The following MAP2K2 variants were observed in gnomAD, a reference collection of about 807,000 sequenced individuals.
The protein encoded by MAP2K2 is mitogen-activated protein kinase kinase 2, also known as dual specificity mitogen-activated protein kinase kinase 2.
In MAP2K2, 24 loss-of-function variants were observed where a neutral mutation model predicts 43.7. That is an observed-to-expected ratio of 0.55 (90% confidence interval 0.40 to 0.77). The LOEUF (loss-of-function observed/expected upper bound fraction) is 0.77. MAP2K2 is among the 30% of genes least tolerant of loss of function. The probability of loss-of-function intolerance (pLI) is 0.00; values close to 1 mark genes in which losing one functional copy is unlikely to be tolerated. For missense variants in MAP2K2, 470 were observed against 566.8 expected, an observed-to-expected ratio of 0.83 and a Z score of 1.73; for synonymous variants, 244 against 239.7, an observed-to-expected ratio of 1.02 and a Z score of -0.17.
rs1249918563 is a variant in MAP2K2 at position 4,102,849 on chromosome 19, G to T, written c.451-396C>A. On this transcript the variant is annotated intron_variant, in intron 3 of 10. Transcript: ENST00000262948. ...GCTTGTCTGTGCGCCACGGGAGGCGGCCAGGCTGGAGACCAGCGTCTTGGG... is the reference window on the plus strand; with the variant it reads ...GCTTGTCTGTGCGCCACGGGAGGCGTCCAGGCTGGAGACCAGCGTCTTGGG... 2.5e-6 allele frequency: 3 copies of T among 1,189,594 alleles called. No homozygotes were observed. In the East Asian group the frequency reaches 1.7e-4, roughly 66 times the overall value. The allele number at this position is 1,189,594 out of a possible 1,614,324, so 73.7% of individuals were successfully genotyped here.
chr19:4,097,426 AC>A, intron 7 of MAP2K2, 83 bp from the exon 8 acceptor site: 1 of 1,035,370 alleles, frequency 9.7e-7, no homozygotes, highest in Non-Finnish European at 1.5e-6. Flanking sequence ...GGGGCTGATC[AC>A]CACCAGGCGC....
chr19:4,096,040 G>A (rs551338710), intron 8 of MAP2K2, among the ~76,000 whole-genome samples: 1 of 152,360 alleles, frequency 6.6e-6, no homozygotes, highest in African/African-American at 2.4e-5. Flanking sequence ...CTCCCAAAGT[G>A]CTGGAATTAC....
In MAP2K2 at chr19:4,123,757, G is replaced by C. The variant is rs374346282; in HGVS notation, c.92+27C>G. On this transcript the variant is annotated intron_variant, in intron 1 of 10. Transcript: ENST00000262948. Reference sequence around the variant, plus strand: ...GGGCTCCCTGCCCCGTGCACCCCAAGCCTCCGGCTGACCCCTGCCCACTCA... The same window carrying C: ...GGGCTCCCTGCCCCGTGCACCCCAACCCTCCGGCTGACCCCTGCCCACTCA... 207 of 1,497,508 alleles carry C rather than the reference G, an allele frequency of 1.4e-4. No homozygotes were observed. In the African/African-American group the frequency reaches 2.5e-3, roughly 18 times the overall value. The allele number at this position is 1,497,508 out of a possible 1,614,324, so 92.8% of individuals were successfully genotyped here. A position where few individuals can be genotyped will look rare whatever the true frequency, so the allele number is the denominator to read the frequency against.
At chr19:4,121,424 C>T (rs2041290671) in intron 1 of MAP2K2, among the ~76,000 whole-genome samples, 1 of 151,540 alleles carries the variant, frequency 6.6e-6, no homozygotes, top group East Asian at 2.0e-4. Flanking sequence ...AGGGACTCCA[C>T]ACACTGGGCA....
At chr19:4,104,982 T>C (rs2041064881) in intron 3 of MAP2K2, among the ~76,000 whole-genome samples, 1 of 152,172 alleles carries the variant, frequency 6.6e-6, no homozygotes, top group South Asian at 2.1e-4. Flanking sequence ...AGGTGTCTCC[T>C]GGGAGGGAGA....
intron 2 of MAP2K2, among the ~76,000 whole-genome samples, chr19:4,114,365 G>A (rs1407986794): frequency 6.6e-6 from 1 of 152,176 alleles, no homozygotes; most frequent in Non-Finnish European, 1.5e-5. Flanking sequence ...TTCGACTCAG[G>A]TCGTCACTTG....
chr19:4,098,638 G>C (rs766790564), intron 7 of MAP2K2, among the ~76,000 whole-genome samples: 5 of 152,190 alleles, frequency 3.3e-5, no homozygotes, highest in Admixed American at 3.3e-4. Flanking sequence ...CTCCCGAGGT[G>C]CCCGCCCTAA....
At chr19:4,122,311 C>CT (rs2041311230) in intron 1 of MAP2K2, among the ~76,000 whole-genome samples, 1 of 98,134 alleles carries the variant, frequency 1.0e-5, no homozygotes, top group Non-Finnish European at 2.2e-5. Context: ...CACAGGGACC[C>CT]CCTCACCCCA....
intron 1 of MAP2K2, among the ~76,000 whole-genome samples, chr19:4,123,497 A>G (rs1342028123): frequency 1.4e-5 from 2 of 145,162 alleles, no homozygotes; most frequent in South Asian, 2.2e-4. Context: ...CCCTCGCCCA[A>G]TCTCACTGCT....
At position 4,095,473 on chromosome 19, in the gene MAP2K2, G is replaced by A. The variant is rs369694857; in HGVS notation, c.985-24C>T. ...GGCTGTGGAGGAGAACAGAGGGTGG[G>A]GTCAGCCCTGGGCATCGTCAGGGAC... On this transcript the variant is annotated intron_variant, in intron 8 of 10. Coordinates refer to ENST00000262948, the MANE Select transcript of MAP2K2 (RefSeq NM_030662.4). 6.4e-5 allele frequency: 99 copies of A among 1,547,856 alleles called. 2 individuals are homozygous for A. In the African/African-American group the frequency reaches 8.9e-4, roughly 14 times the overall value.
chr19:4,118,692 C>G (rs2041258031), intron 1 of MAP2K2, among the ~76,000 whole-genome samples: 1 of 152,152 alleles, frequency 6.6e-6, no homozygotes, highest in Non-Finnish European at 1.5e-5. Flanking sequence ...TCTAGTTACT[C>G]AGGAGGCTGA....
At position 4,101,935 on chromosome 19, in the gene MAP2K2, G is replaced by C. The variant is rs1191610388; in HGVS notation, c.528+441C>G. Reference sequence around the variant, plus strand: ...TGAAACCACACGGCTCTACGGAGCAGCTGTGCTGGAGACCGGGCAGCAGAG... The same window carrying C: ...TGAAACCACACGGCTCTACGGAGCACCTGTGCTGGAGACCGGGCAGCAGAG... On this transcript the variant is annotated intron_variant, in intron 4 of 10. Coordinates refer to ENST00000262948, the MANE Select transcript of MAP2K2 (RefSeq NM_030662.4). The surrounding 1 kb of genome is among the most constrained non-coding windows in gnomAD (Gnocchi z 6.3). Among the ~76,000 whole-genome samples, 1 of 152,182 alleles carries C rather than the reference G, an allele frequency of 6.6e-6. No individual in the cohort carries two copies. Among genetic ancestry groups the C allele is most frequent in the African/African-American group, 2.4e-5 (1 of 41,432 alleles).
At chr19:4,114,686 C>T (rs1289625692) in intron 2 of MAP2K2, among the ~76,000 whole-genome samples, 31 of 152,176 alleles carry the variant, frequency 2.0e-4, no homozygotes, top group Admixed American at 6.5e-5. Context: ...CGGTGGCTCA[C>T]GCCTGTAATC....
chr19:4,114,994 T>C (rs1392771605), intron 2 of MAP2K2, among the ~76,000 whole-genome samples: 1 of 152,144 alleles, frequency 6.6e-6, no homozygotes, highest in Admixed American at 6.6e-5. Flanking sequence ...CTTGCAGCCC[T>C]ACCTGCATAG....
intron 3 of MAP2K2, among the ~76,000 whole-genome samples, chr19:4,106,744 A>AT (rs1400111102): frequency 3.3e-5 from 5 of 152,162 alleles, no homozygotes; most frequent in Admixed American, 2.6e-4. Context: ...CCTCCACTAC[A>AT]TGAATAGTGT....
intron 2 of MAP2K2, 49 bp downstream of exon 2, chr19:4,117,370 G>A (rs1487905139): frequency 7.7e-6 from 12 of 1,568,566 alleles, no homozygotes; most frequent in Non-Finnish European, 8.7e-6. Flanking sequence ...CTGTTTCCAG[G>A]GGGACCTTCC....
At chr19:4,103,237 G>C (rs1052487803) in intron 3 of MAP2K2, 67 of 986,024 alleles carry the variant, frequency 6.8e-5, no homozygotes, top group Non-Finnish European at 7.9e-5. Flanking sequence ...ATCATGGGTA[G>C]GCTGGTCCCC....
At chr19:4,119,968 C>G (rs781669098) in intron 1 of MAP2K2, among the ~76,000 whole-genome samples, 1 of 152,264 alleles carries the variant, frequency 6.6e-6, no homozygotes, top group Non-Finnish European at 1.5e-5. Flanking sequence ...GGCGCTGGAG[C>G]TGGTGCTGCA....
At chr19:4,091,202 G>A (rs960143220) in intron 10 of MAP2K2, among the ~76,000 whole-genome samples, 7 of 152,206 alleles carry the variant, frequency 4.6e-5, no homozygotes, top group Non-Finnish European at 8.8e-5. Flanking sequence ...AGAACGGGCT[G>A]TTCCACAGAA....
Sources: allele counts gnomAD v4.1 joint callset (sites outside exome capture counted in the v4.1 genomes callset), GRCh38; gene constraint gnomAD v4.1.1; non-coding constraint Gnocchi (gnomAD v3.1); transcripts MANE v1.5; gene names NCBI Gene and HGNC (gene_info 2026-07-23, HGNC 2026-07-21).